EYA3: variants seen among roughly 807,000 people sequenced by gnomAD.
The protein encoded by EYA3 is EYA transcriptional coactivator and phosphatase 3.
Under a neutral mutation model 80.0 loss-of-function variants are expected in EYA3, and 39 were observed. The observed-to-expected ratio is 0.49, with a 90% CI of 0.38 to 0.64. The LOEUF (loss-of-function observed/expected upper bound fraction) is 0.64, where lower values mean the gene tolerates loss of function less well. Among genes scored for constraint, EYA3 ranks in the 30% least tolerant of loss-of-function variants. The pLI is 0.00. For synonymous variants in EYA3, 206 were observed against 232.8 expected (o/e 0.88, Z 1.05); for missense variants, 523 against 676.1 (o/e 0.77, Z 2.51).
intron 1 of EYA3, among the ~76,000 whole-genome samples, chr1:28,065,636 C>A (rs1644809324): frequency 6.6e-6 from 1 of 151,974 alleles, no homozygotes; most frequent in African/African-American, 2.4e-5. Flanking sequence ...TACCTTTTCA[C>A]TTAATGCACT....
At chr1:28,082,983 A>G (rs1479315415) in intron 1 of EYA3, among the ~76,000 whole-genome samples, 2 of 152,210 alleles carry the variant, frequency 1.3e-5, no homozygotes, top group Non-Finnish European at 2.9e-5. Context: ...AGGCCAAGTA[A>G]AACCCTCCTT....
At chr1:27,988,183 ATATAGTT>A (rs904520025) in intron 16 of EYA3, among the ~76,000 whole-genome samples, 1 of 152,302 alleles carries the variant, frequency 6.6e-6, no homozygotes, top group African/African-American at 2.4e-5. Flanking sequence ...ATTTTTAGGT[ATATAGTT>A]TAGAAGCTTG....
rs758512826 is a variant in EYA3 at position 27,997,381 on chromosome 1, GT to G, written c.1084-4del. On this transcript the variant is annotated splice_region_variant and splice_polypyrimidine_tract_variant and intron_variant, in intron 12 of 17. Transcript: ENST00000373871. Reference sequence around the variant, plus strand: ...TCCACATGTACCTGGTCACACTCCTGTTAAAAGACAAAACATATTACTTCAG... The same window carrying G: ...TCCACATGTACCTGGTCACACTCCTGTAAAAGACAAAACATATTACTTCAG... The G allele has an allele frequency of 6.2e-7, 1 of 1,613,718 alleles. No homozygotes were observed. Among genetic ancestry groups the G allele is most frequent in the South Asian group, 1.1e-5 (1 of 91,080 alleles).
chr1:28,010,693 A>G (rs1271199443), intron 10 of EYA3: 11 of 391,160 alleles, frequency 2.8e-5, no homozygotes, highest in Non-Finnish European at 4.6e-6. Context: ...TAAATAGAGA[A>G]CAGTATGACT....
At chr1:28,014,417 CAAAAAAAAAAA>C (rs1173842687) in intron 8 of EYA3, among the ~76,000 whole-genome samples, 4 of 49,532 alleles carry the variant, frequency 8.1e-5, no homozygotes, top group Middle Eastern at 0.017. Context: ...CACACTGTCT[CAAAAAAAAAAA>C]AAAAAAAAAA....
intron 11 of EYA3, among the ~76,000 whole-genome samples, chr1:28,001,204 T>C (rs1441895976): frequency 6.7e-6 from 1 of 148,596 alleles, no homozygotes; most frequent in African/African-American, 2.4e-5. Context: ...TCACATATTA[T>C]ATGAATATAC....
intron 1 of EYA3, among the ~76,000 whole-genome samples, chr1:28,071,392 G>C (rs928986797): frequency 5.9e-5 from 9 of 152,052 alleles, no homozygotes; most frequent in African/African-American, 2.2e-4. Flanking sequence ...TTCCTATTTT[G>C]CATTTCTCTC....
In EYA3 at chr1:27,994,964, T is replaced by TG. The variant is rs140998558; in HGVS notation, c.1143-1405dup. On this transcript the variant is annotated intron_variant, in intron 13 of 17. Transcript: ENST00000373871. ...GGCAACAGAGCAGGCCCCGTCTCTT[T>TG]GGAAAAAAAAAAAAAAGGAACCACT... Among the ~76,000 whole-genome samples, 451 of 148,054 alleles carry TG rather than the reference T, an allele frequency of 3.0e-3. 2 individuals are homozygous for TG. The highest frequency in any genetic ancestry group is 0.01 in the African/African-American group (416 of 40,146).
chr1:27,995,344 T>C (rs1393731984), intron 13 of EYA3, among the ~76,000 whole-genome samples: 7 of 110,908 alleles, frequency 6.3e-5, no homozygotes, highest in African/African-American at 2.5e-4. Context: ...CCTGGGAGGG[T>C]GAAGCTACAG....
intron 2 of EYA3, among the ~76,000 whole-genome samples, 193 bp from the exon 3 acceptor site, chr1:28,048,619 GA>G (rs1222326763): frequency 6.6e-6 from 1 of 151,768 alleles, no homozygotes; most frequent in East Asian, 1.9e-4. Context: ...TCTTTTTAAT[GA>G]AAAAAGTGTT....
chr1:28,022,819 G>A (rs566504844), intron 7 of EYA3, among the ~76,000 whole-genome samples: 33 of 151,636 alleles, frequency 2.2e-4, no homozygotes, highest in African/African-American at 7.0e-4. Flanking sequence ...AGGCTCAGGC[G>A]ATCCTCCCAC....
intron 3 of EYA3, among the ~76,000 whole-genome samples, chr1:28,047,740 A>G (rs1180622187): frequency 2.0e-5 from 3 of 149,404 alleles, no homozygotes; most frequent in African/African-American, 7.4e-5. Context: ...CCAGGTTCAC[A>G]CCATTCTCCT....
At position 27,988,471 on chromosome 1, in the gene EYA3, G is replaced by T. The variant is rs567540991; in HGVS notation, c.1540+64C>A. 22 of 1,569,254 alleles carry T rather than the reference G, an allele frequency of 1.4e-5. No individual in the cohort carries two copies. In the East Asian group the frequency reaches 4.3e-4, roughly 31 times the overall value. On this transcript the variant is annotated intron_variant, in intron 16 of 17. Transcript: ENST00000373871. ...TAACAAGAGGGGCTAGAAAATAATA[G>T]GTGCATCATGAGTAGAAAGTTTTAT...
Position 28,017,143 on chromosome 1 carries a change from T to C in EYA3, c.585+11A>G, listed in dbSNP as rs1642123669. The C allele has an allele frequency of 1.2e-6, 2 of 1,601,222 alleles. No homozygotes were observed. The highest frequency in any genetic ancestry group is 1.7e-6 in the Non-Finnish European group (2 of 1,168,538). The stretch of plus-strand genomic sequence containing the variant: ...CTCTATCAAACAGGATGAACAAAGG[T>C]AGCATCATACCTGGTTTGAGATGCT... On this transcript the variant is annotated intron_variant, in intron 8 of 17. Coordinates refer to ENST00000373871, the MANE Select transcript of EYA3 (RefSeq NM_001990.4).
At chr1:28,076,572 G>T (rs1387773165) in intron 1 of EYA3, among the ~76,000 whole-genome samples, 2 of 150,668 alleles carry the variant, frequency 1.3e-5, no homozygotes, top group African/African-American at 4.9e-5. Context: ...TTAGCTGTGT[G>T]TGGTGGCACA....
intron 12 of EYA3, 138 bp downstream of exon 12, chr1:27,999,822 T>G: frequency 1.8e-6 from 1 of 548,310 alleles, no homozygotes; most frequent in Non-Finnish European, 3.2e-6. Context: ...AGACTATGTA[T>G]GTATGCCTTA....
chr1:27,983,399 C>T (rs1303839825), intron 16 of EYA3, among the ~76,000 whole-genome samples: 13 of 152,152 alleles, frequency 8.5e-5, no homozygotes, highest in Admixed American at 8.5e-4. Context: ...ATTTTCAATC[C>T]CACTTGCAGA....
intron 10 of EYA3, 104 bp from the exon 11 acceptor site, chr1:28,004,523 G>A: frequency 1.3e-6 from 1 of 766,276 alleles, no homozygotes; most frequent in Non-Finnish European, 2.2e-6. Flanking sequence ...AAATATGTAG[G>A]AATTAAACAA....
At chr1:28,033,294 TC>T (rs779591587) in intron 6 of EYA3, among the ~76,000 whole-genome samples, 94 of 152,288 alleles carry the variant, frequency 6.2e-4, no homozygotes, top group Admixed American at 1.0e-3. Context: ...AAACATCTTT[TC>T]AAAATACAGT....
Sources: allele counts gnomAD v4.1 joint callset (sites outside exome capture counted in the v4.1 genomes callset), GRCh38; gene constraint gnomAD v4.1.1; transcripts MANE v1.5; gene names NCBI Gene and HGNC (gene_info 2026-07-23, HGNC 2026-07-21).